The following RPS6KC1 variants were observed in gnomAD, a reference collection of about 807,000 sequenced individuals.
RPS6KC1 encodes the protein inactive ribosomal protein S6 kinase delta-1.
A neutral mutation model predicts 103.8 loss-of-function variants in RPS6KC1; 54 were observed. That is an observed-to-expected ratio of 0.52 (90% CI 0.42 to 0.65). The LOEUF (loss-of-function observed/expected upper bound fraction) is 0.65, where lower values mean the gene tolerates loss of function less well. Ranked by LOEUF, RPS6KC1 falls within the 30% of genes least tolerant of loss-of-function variation. RPS6KC1 has a pLI of 0.00. For missense variants in RPS6KC1, 1,151 were observed against 1,253.8 expected, an observed-to-expected ratio of 0.92 and a Z score of 1.24; for synonymous variants, 439 against 438.7, an observed-to-expected ratio of 1.00 and a Z score of -0.01.
chr1:213,804,113 TA>T, the RPS6KC1 span, among the ~76,000 whole-genome samples: 20 of 41,746 alleles, frequency 4.8e-4, no homozygotes, highest in South Asian at 2.3e-3. Context: ...AGTATAATAA[TA>T]AAAAAAAATT....
chr1:213,160,449 C>T (rs1022291890), intron 6 of RPS6KC1, among the ~76,000 whole-genome samples: 5 of 152,148 alleles, frequency 3.3e-5, no homozygotes, highest in Admixed American at 2.6e-4. Flanking sequence ...GGAATATGTT[C>T]ACCTGTATTC....
At chr1:213,753,340 G>A in the RPS6KC1 span, among the ~76,000 whole-genome samples, 1 of 152,194 alleles carries the variant, frequency 6.6e-6, no homozygotes, top group African/African-American at 2.4e-5. Flanking sequence ...GTGGGCAGTG[G>A]AGTTGATCTC....
the RPS6KC1 span, among the ~76,000 whole-genome samples, chr1:213,861,388 C>G: frequency 6.6e-6 from 1 of 151,958 alleles, no homozygotes; most frequent in African/African-American, 2.4e-5. Context: ...AAGCTGGGTG[C>G]GCACCCAGGC....
At chr1:213,523,367 A>G in the RPS6KC1 span, among the ~76,000 whole-genome samples, 2 of 152,246 alleles carry the variant, frequency 1.3e-5, no homozygotes, top group Non-Finnish European at 2.9e-5. Context: ...AATTATCAAA[A>G]CATGACACAG....
the RPS6KC1 span, among the ~76,000 whole-genome samples, chr1:213,317,358 A>G: frequency 3.3e-5 from 5 of 152,192 alleles, no homozygotes; most frequent in East Asian, 5.8e-4. Flanking sequence ...TCAGGCTGCC[A>G]TAAGAAAAAG....
the RPS6KC1 span, among the ~76,000 whole-genome samples, chr1:213,336,576 T>C: frequency 1.2e-4 from 19 of 152,208 alleles, no homozygotes; most frequent in Admixed American, 1.2e-3. Flanking sequence ...CTAACATTTG[T>C]TTGGCTCTTT....
the RPS6KC1 span, among the ~76,000 whole-genome samples, chr1:213,514,324 C>T: frequency 1.3e-5 from 2 of 151,796 alleles, no homozygotes; most frequent in African/African-American, 2.4e-5. Context: ...TGGTGTGCTG[C>T]ACCCATTAAC....
chr1:213,226,743 C>T (rs779049957), intron 8 of RPS6KC1, among the ~76,000 whole-genome samples: 1 of 152,178 alleles, frequency 6.6e-6, no homozygotes, highest in Non-Finnish European at 1.5e-5. Flanking sequence ...AGTCCTTATT[C>T]TTCATGGCTT....
chr1:213,670,832 C>G, the RPS6KC1 span, among the ~76,000 whole-genome samples: 1 of 152,214 alleles, frequency 6.6e-6, no homozygotes, highest in South Asian at 2.1e-4. Flanking sequence ...GGTCAGCCTC[C>G]AGTTCCAGCA....
At chr1:213,657,578 C>T in the RPS6KC1 span, among the ~76,000 whole-genome samples, 3 of 151,992 alleles carry the variant, frequency 2.0e-5, no homozygotes, top group African/African-American at 7.3e-5. Flanking sequence ...GATTACATCA[C>T]CACAAGAGAT....
the RPS6KC1 span, among the ~76,000 whole-genome samples, chr1:213,424,633 AG>A: frequency 1.3e-5 from 2 of 152,256 alleles, no homozygotes; most frequent in Non-Finnish European, 2.9e-5. Context: ...CCTGATGGAC[AG>A]TGCTCTCCTG....
chr1:213,629,431 G>T, the RPS6KC1 span, among the ~76,000 whole-genome samples: 1 of 151,914 alleles, frequency 6.6e-6, no homozygotes, highest in Middle Eastern at 3.4e-3. Context: ...TTTTCCATTT[G>T]CTTGGTAGAT....
chr1:213,476,993 A>G, the RPS6KC1 span, among the ~76,000 whole-genome samples: 7,567 of 152,268 alleles, frequency 0.05, 611 homozygotes, highest in African/African-American at 0.17. Flanking sequence ...GCAAATTTCC[A>G]AAGAGGGACA....
chr1:213,435,617 C>A, the RPS6KC1 span, among the ~76,000 whole-genome samples: 1 of 152,316 alleles, frequency 6.6e-6, no homozygotes, highest in East Asian at 1.9e-4. Context: ...TGTGAGTACT[C>A]TACCTGATGC....
At chr1:213,589,612 A>G in the RPS6KC1 span, among the ~76,000 whole-genome samples, 2 of 150,062 alleles carry the variant, frequency 1.3e-5, no homozygotes, top group Admixed American at 6.7e-5. Flanking sequence ...ATTGCACTCT[A>G]GTCTGGTTGA....
the RPS6KC1 span, among the ~76,000 whole-genome samples, chr1:213,774,177 C>A: frequency 6.6e-6 from 1 of 152,198 alleles, no homozygotes; most frequent in African/African-American, 2.4e-5. Context: ...ATTTACTGTC[C>A]AGTCAGCAAG....
At chr1:213,436,755 G>T in the RPS6KC1 span, among the ~76,000 whole-genome samples, 1 of 152,020 alleles carries the variant, frequency 6.6e-6, no homozygotes, top group African/African-American at 2.4e-5. Context: ...CTAGGTATTT[G>T]AAATTTTGGT....
At chr1:213,771,367 G>A in the RPS6KC1 span, among the ~76,000 whole-genome samples, 1 of 152,174 alleles carries the variant, frequency 6.6e-6, no homozygotes, top group African/African-American at 2.4e-5. Flanking sequence ...GGAAACGGAT[G>A]ACAGAACCGC....
chr1:213,399,920 C>G, the RPS6KC1 span, among the ~76,000 whole-genome samples: 5 of 152,058 alleles, frequency 3.3e-5, no homozygotes, highest in African/African-American at 4.8e-5. Flanking sequence ...CTTTTGTTGT[C>G]ACTCAGGAAT....
Sources: gnomAD v4.1 joint callset for allele counts (sites outside exome capture counted in the v4.1 genomes callset) on GRCh38, gnomAD v4.1.1 for gene constraint, MANE v1.5 for transcripts, NCBI Gene and HGNC (gene_info 2026-07-23, HGNC 2026-07-21) for gene names.